PLCB4: variants seen among roughly 807,000 people sequenced by gnomAD.
The protein encoded by PLCB4 is 1-phosphatidylinositol 4,5-bisphosphate phosphodiesterase beta-4.
A neutral mutation model predicts 178.8 loss-of-function variants in PLCB4; 77 were observed. The ratio of observed to expected loss-of-function variants is 0.43; its 90% CI spans 0.36 to 0.52. The LOEUF is 0.52. Among genes scored for constraint, PLCB4 ranks in the 20% least tolerant of loss-of-function variants. PLCB4 has a pLI of 0.00. For missense variants in PLCB4, 1,024 were observed against 1,453.4 expected (o/e 0.70, Z 4.80); for synonymous variants, 496 against 490.8 (o/e 1.01, Z -0.14).
Position 9,158,006 on chromosome 20 carries a change from A to G in PLCB4, c.-78-59384A>G, listed in dbSNP as rs115448705. Among the ~76,000 whole-genome samples, 827 of 152,310 alleles carry G rather than the reference A, an allele frequency of 5.4e-3. 8 individuals are homozygous for G. The highest frequency in any genetic ancestry group is 0.019 in the African/African-American group (791 of 41,580). On this transcript the variant is annotated intron_variant, in intron 2 of 39. Transcript: ENST00000378473. ...CTTTCGGCCCTTTACCTGTTCCACCATTTATCTTCACGATAACCCTTTGAA... is the reference window on the plus strand; with the variant it reads ...CTTTCGGCCCTTTACCTGTTCCACCGTTTATCTTCACGATAACCCTTTGAA...
At chr20:9,377,668 T>C (rs1438097922) in intron 12 of PLCB4, among the ~76,000 whole-genome samples, 1 of 152,202 alleles carries the variant, frequency 6.6e-6, no homozygotes, top group African/African-American at 2.4e-5. Flanking sequence ...GGGATTATGA[T>C]ACATCCATTT....
intron 34 of PLCB4, among the ~76,000 whole-genome samples, chr20:9,459,343 A>G (rs535825180): frequency 8.8e-4 from 132 of 150,022 alleles, no homozygotes; most frequent in African/African-American, 3.2e-3. Context: ...GACTCTATCT[A>G]AAAAAACAAA....
At chr20:9,426,735 A>AT (rs906739561) in intron 28 of PLCB4, among the ~76,000 whole-genome samples, 71 of 151,250 alleles carry the variant, frequency 4.7e-4, no homozygotes, top group African/African-American at 1.4e-3. Context: ...TGGAATTCTA[A>AT]TTTTTTTTTA....
intron 3 of PLCB4, among the ~76,000 whole-genome samples, chr20:9,233,840 T>C (rs555410036): frequency 7.9e-5 from 12 of 152,214 alleles, no homozygotes; most frequent in Admixed American, 7.9e-4. Context: ...ATGTTTCTTG[T>C]TTGTTGTTTG....
chr20:9,238,057 G>A (rs927997672), intron 3 of PLCB4, among the ~76,000 whole-genome samples: 2 of 152,128 alleles, frequency 1.3e-5, no homozygotes, highest in Non-Finnish European at 2.9e-5. Flanking sequence ...TAGGGACTGC[G>A]AAAGAAGGAA....
rs569491134 is a variant in PLCB4 at position 9,297,263 on chromosome 20, A to G, written c.-15-10537A>G. On this transcript the variant is annotated intron_variant, in intron 3 of 39. Transcript: ENST00000378473. ...GTCACTTCTGTAATTCACTACTATA[A>G]AAATGATTAATATGTGTGTACACGT... 3.9e-5 allele frequency among the ~76,000 whole-genome samples: 6 copies of G among 152,096 alleles called. No homozygotes were observed. In the East Asian group the frequency reaches 9.7e-4, roughly 25 times the overall value.
intron 13 of PLCB4, among the ~76,000 whole-genome samples, chr20:9,380,897 G>A (rs1193548610): frequency 2.0e-5 from 3 of 152,146 alleles, no homozygotes; most frequent in African/African-American, 4.8e-5. Flanking sequence ...CCGTATGTCC[G>A]TGAATCTCAA....
Position 9,371,143 on chromosome 20 carries a change from C to T in PLCB4, c.504-71C>T, listed in dbSNP as rs772458232. The T allele has an allele frequency of 4.2e-6, 4 of 962,516 alleles. No homozygotes were observed. In the South Asian group the frequency reaches 5.2e-5, roughly 12 times the overall value. 59.6% of individuals were successfully genotyped at this position (962,516 alleles called of 1,614,324 possible). On this transcript the variant is annotated intron_variant, in intron 9 of 39. Transcript: ENST00000378473. ...CTAGTCTCACTCTCCATAGTAGGAC[C>T]TGGATCTTTGCATCAGAGAAAACAT...
intron 3 of PLCB4, among the ~76,000 whole-genome samples, chr20:9,278,720 G>T (rs916480898): frequency 6.6e-6 from 1 of 151,972 alleles, no homozygotes; most frequent in Non-Finnish European, 1.5e-5. Flanking sequence ...AGATATGAGC[G>T]CTGGACTTCC....
intron 30 of PLCB4, among the ~76,000 whole-genome samples, chr20:9,441,456 A>G (rs1383387783): frequency 6.6e-6 from 1 of 152,170 alleles, no homozygotes. Flanking sequence ...AGACCCTGAG[A>G]GAAGGCTTCC....
chr20:9,464,184 G>A (rs1025847656), intron 35 of PLCB4, among the ~76,000 whole-genome samples: 3 of 152,130 alleles, frequency 2.0e-5, no homozygotes, highest in Non-Finnish European at 2.9e-5. Context: ...TGACTACTGG[G>A]TAAATAATGG....
chr20:9,457,378 A>T, intron 33 of PLCB4, 36 bp from the exon 34 acceptor site: 1 of 954,678 alleles, frequency 1.0e-6, no homozygotes, highest in Non-Finnish European at 1.7e-6. Flanking sequence ...GAAAATATCT[A>T]ATTTCTGGCA....
chr20:9,439,000 G>A (rs532167907), intron 30 of PLCB4, among the ~76,000 whole-genome samples: 2 of 152,332 alleles, frequency 1.3e-5, no homozygotes, highest in East Asian at 3.9e-4. Flanking sequence ...AAGGAAGGAA[G>A]AGATATGTTC....
chr20:9,377,640 A>C (rs750429443), intron 12 of PLCB4, among the ~76,000 whole-genome samples: 9 of 152,194 alleles, frequency 5.9e-5, no homozygotes, highest in Non-Finnish European at 1.3e-4. Flanking sequence ...TTTGCTGCGA[A>C]TGTAATTTTC....
chr20:9,437,904 C>T (rs4369940), intron 30 of PLCB4, among the ~76,000 whole-genome samples: 85,207 of 152,070 alleles, frequency 0.56, 25,841 homozygotes, highest in African/African-American at 0.81. Flanking sequence ...AGAAAGAGGT[C>T]ATTGCAGATG....
intron 2 of PLCB4, among the ~76,000 whole-genome samples, chr20:9,143,212 A>G (rs1246796828): frequency 6.6e-6 from 1 of 151,958 alleles, no homozygotes; most frequent in Non-Finnish European, 1.5e-5. Context: ...CCATTGGCTG[A>G]CTCGTTTGTT....
chr20:9,451,402 G>A (rs754096657), intron 32 of PLCB4, among the ~76,000 whole-genome samples: 1 of 152,100 alleles, frequency 6.6e-6, no homozygotes, highest in Non-Finnish European at 1.5e-5. Flanking sequence ...GATAATATAG[G>A]ACTGTGGCAC....
At position 9,128,029 on chromosome 20, in the gene PLCB4, A is replaced by G. The variant is rs148999095; in HGVS notation, c.-79+31687A>G. ...ATAGTTTGGATGTTTGTCCCCTCCAAATCTCATGTTGAAATGTAATCCCCA... is the reference window on the plus strand; with the variant it reads ...ATAGTTTGGATGTTTGTCCCCTCCAGATCTCATGTTGAAATGTAATCCCCA... On this transcript the variant is annotated intron_variant, in intron 2 of 39. Coordinates refer to ENST00000378473, the MANE Select transcript of PLCB4 (RefSeq NM_001377142.1). Among the ~76,000 whole-genome samples the G allele has an allele frequency of 5.9e-3, 900 of 152,102 alleles. 10 individuals are homozygous for G. The highest frequency in any genetic ancestry group is 0.02 in the African/African-American group (846 of 41,506).
intron 35 of PLCB4, among the ~76,000 whole-genome samples, chr20:9,460,302 G>A (rs926691009): frequency 1.4e-4 from 21 of 152,172 alleles, no homozygotes; most frequent in African/African-American, 4.6e-4. Context: ...GGCTGGAACT[G>A]GCCTTTGGAG....
Sources: gnomAD v4.1 joint callset for allele counts (sites outside exome capture counted in the v4.1 genomes callset) on GRCh38, gnomAD v4.1.1 for gene constraint, MANE v1.5 for transcripts, NCBI Gene and HGNC (gene_info 2026-07-23, HGNC 2026-07-21) for gene names.